MGAT4C: variants seen among roughly 807,000 people sequenced by gnomAD.
MGAT4C encodes alpha-1,3-mannosyl-glycoprotein 4-beta-N-acetylglucosaminyltransferase C.
In MGAT4C, 19 loss-of-function variants were observed where a neutral mutation model predicts 40.1. That is an observed-to-expected ratio of 0.47 (90% CI 0.33 to 0.70). The LOEUF is 0.70. Ranked by LOEUF, MGAT4C falls within the 30% of genes least tolerant of loss-of-function variation. The pLI is 0.02. For synonymous variants in MGAT4C, 181 were observed against 187.1 expected, an observed-to-expected ratio of 0.97 and a Z score of 0.27; for missense variants, 491 against 563.2, an observed-to-expected ratio of 0.87 and a Z score of 1.30.
intron 4 of MGAT4C, among the ~76,000 whole-genome samples, chr12:86,289,862 A>G (rs1287237219): frequency 1.3e-5 from 2 of 152,140 alleles, no homozygotes; most frequent in Admixed American, 1.3e-4. Flanking sequence ...TAACTCATAG[A>G]TCATAGTCTC....
At chr12:86,250,860 T>C (rs571413404) in intron 1 of MGAT4C, among the ~76,000 whole-genome samples, 1 of 152,196 alleles carries the variant, frequency 6.6e-6, no homozygotes, top group South Asian at 2.1e-4. Flanking sequence ...GTTTCAAAAG[T>C]AATTAGTATG....
chr12:86,085,024 G>A (rs1192791302), intron 1 of MGAT4C, among the ~76,000 whole-genome samples: 1 of 151,976 alleles, frequency 6.6e-6, no homozygotes, highest in Non-Finnish European at 1.5e-5. Flanking sequence ...TAAGTTATAA[G>A]GATGTGTGTG....
chr12:86,134,042 C>T (rs769493605), intron 1 of MGAT4C, among the ~76,000 whole-genome samples: 19 of 151,730 alleles, frequency 1.3e-4, no homozygotes, highest in Non-Finnish European at 2.2e-4. Context: ...TTCTTGAATT[C>T]AAGAAGAAAA....
intron 2 of MGAT4C, among the ~76,000 whole-genome samples, chr12:86,615,546 AG>A (rs1962421740): frequency 6.6e-6 from 1 of 152,054 alleles, no homozygotes; most frequent in Non-Finnish European, 1.5e-5. Context: ...AGAAAAAAAC[AG>A]TTTGATATGC....
chr12:86,433,619 G>A (rs1957084400), intron 3 of MGAT4C, among the ~76,000 whole-genome samples: 1 of 151,818 alleles, frequency 6.6e-6, no homozygotes, highest in Admixed American at 6.6e-5. Flanking sequence ...AGGCAAGGCT[G>A]TCTGTATTTC....
At chr12:86,637,063 T>C (rs1389015224) in intron 2 of MGAT4C, among the ~76,000 whole-genome samples, 1 of 151,902 alleles carries the variant, frequency 6.6e-6, no homozygotes, top group East Asian at 1.9e-4. Context: ...TTAGAGCTTA[T>C]ATTCCAAATT....
intron 1 of MGAT4C, among the ~76,000 whole-genome samples, chr12:86,056,673 G>T (rs184361965): frequency 6.6e-6 from 1 of 152,252 alleles, no homozygotes; most frequent in East Asian, 1.9e-4. Context: ...TTGCCATTGT[G>T]AATAGTGCTG....
At chr12:86,372,809 T>C (rs1262769022) in intron 3 of MGAT4C, among the ~76,000 whole-genome samples, 1 of 151,858 alleles carries the variant, frequency 6.6e-6, no homozygotes, top group African/African-American at 2.4e-5. Context: ...GTTTAGTATT[T>C]TGTCTAAACA....
intron 2 of MGAT4C, among the ~76,000 whole-genome samples, chr12:86,452,623 G>T (rs1957444205): frequency 6.6e-6 from 1 of 151,802 alleles, no homozygotes; most frequent in Non-Finnish European, 1.5e-5. Flanking sequence ...TAGAATATTG[G>T]CTTCCTGAAT....
At chr12:86,296,827 A>G (rs1404827759) in intron 4 of MGAT4C, among the ~76,000 whole-genome samples, 4 of 152,204 alleles carry the variant, frequency 2.6e-5, no homozygotes, top group Admixed American at 6.5e-5. Flanking sequence ...TGGCCAGCCC[A>G]GAAAGGGGCT....
At chr12:86,439,740 A>G (rs956950774) in intron 2 of MGAT4C, among the ~76,000 whole-genome samples, 2 of 152,062 alleles carry the variant, frequency 1.3e-5, no homozygotes, top group African/African-American at 4.8e-5. Flanking sequence ...TAGCCAGATT[A>G]GCCAAGAAGA....
intron 4 of MGAT4C, among the ~76,000 whole-genome samples, chr12:86,294,645 G>A (rs769527660): frequency 6.6e-6 from 1 of 152,080 alleles, no homozygotes; most frequent in African/African-American, 2.4e-5. Context: ...ATTCAGTAAA[G>A]TTTTTATCTC....
intron 2 of MGAT4C, among the ~76,000 whole-genome samples, chr12:86,000,376 G>C (rs116838036): frequency 1.9e-3 from 296 of 152,234 alleles, no homozygotes; most frequent in African/African-American, 6.8e-3. Context: ...TATCATGAAT[G>C]AGACACATGT....
intron 2 of MGAT4C, among the ~76,000 whole-genome samples, chr12:86,453,312 T>A (rs1356485866): frequency 6.6e-6 from 1 of 152,090 alleles, no homozygotes; most frequent in African/African-American, 2.4e-5. Flanking sequence ...ATATATGAAA[T>A]CATAATACCA....
intron 2 of MGAT4C, among the ~76,000 whole-genome samples, chr12:86,049,304 C>CTGTGTG (rs112761344): frequency 1.3e-5 from 2 of 148,660 alleles, no homozygotes; most frequent in East Asian, 3.9e-4. Context: ...GTGTGTGCGC[C>CTGTGTG]TGTGTGTGTG....
chr12:86,326,736 C>T lies in MGAT4C; in HGVS notation c.-57+7329G>A, dbSNP rs79351144. Among the ~76,000 whole-genome samples, 79 of 152,050 alleles carry T rather than the reference C, an allele frequency of 5.2e-4. No individual in the cohort carries two copies. In the East Asian group the frequency reaches 0.011, roughly 20 times the overall value. ...AGCCTTTACATTTGTCAGTGTGTATCGTACCATTTTCTATTTCATACAAAA... is the reference window on the plus strand; with the variant it reads ...AGCCTTTACATTTGTCAGTGTGTATTGTACCATTTTCTATTTCATACAAAA... On this transcript the variant is annotated intron_variant, in intron 4 of 7. Transcript: ENST00000548651.
At chr12:86,299,959 T>G (rs1953770964) in intron 4 of MGAT4C, among the ~76,000 whole-genome samples, 1 of 152,214 alleles carries the variant, frequency 6.6e-6, no homozygotes, top group Admixed American at 6.5e-5. Flanking sequence ...AAACTTTGCA[T>G]TTTAAGAAAA....
Position 85,990,467 on chromosome 12 carries a change from G to C in MGAT4C, c.-6-915C>G, listed in dbSNP as rs77602144. Among the ~76,000 whole-genome samples, 14 of 152,112 alleles carry C rather than the reference G, an allele frequency of 9.2e-5. No individual in the cohort carries two copies. The East Asian group carries it at 2.7e-3, about 29-fold the overall frequency. ...TTAGAGTTGTGTAATGGATCTCCTTGGGTTTATCTTTATGATGAAGTATTT... is the reference window on the plus strand; with the variant it reads ...TTAGAGTTGTGTAATGGATCTCCTTCGGTTTATCTTTATGATGAAGTATTT... On this transcript the variant is annotated intron_variant, in intron 2 of 4. Coordinates refer to ENST00000611864, the MANE Select transcript of MGAT4C (RefSeq NM_001351288.2).
chr12:86,451,172 C>T (rs1406093643), intron 2 of MGAT4C, among the ~76,000 whole-genome samples: 1 of 152,034 alleles, frequency 6.6e-6, no homozygotes, highest in Non-Finnish European at 1.5e-5. Context: ...TTGGTACTGT[C>T]ATCATGATAG....
Sources: gnomAD v4.1 joint callset for allele counts (sites outside exome capture counted in the v4.1 genomes callset) on GRCh38, gnomAD v4.1.1 for gene constraint, MANE v1.5 for transcripts, NCBI Gene and HGNC (gene_info 2026-07-23, HGNC 2026-07-21) for gene names.